RLF: variants seen among roughly 807,000 people sequenced by gnomAD.
RLF encodes RLF zinc finger, also known as zinc finger protein Rlf.
In RLF, 7 loss-of-function variants were observed where a neutral mutation model predicts 162.9. The observed-to-expected ratio is 0.04, with a 90% CI of 0.02 to 0.08. The LOEUF (loss-of-function observed/expected upper bound fraction) is 0.08, where lower values mean the gene tolerates loss of function less well. RLF is among the 10% of genes least tolerant of loss of function. The pLI is 1.00. For synonymous variants in RLF, 782 were observed against 791.5 expected, an observed-to-expected ratio of 0.99 and a Z score of 0.20; for missense variants, 1,664 against 2,244.7, an observed-to-expected ratio of 0.74 and a Z score of 5.23.
rs1041847666 is a variant in RLF at position 40,203,584 on chromosome 1, TA to T, written c.810+982del. On this transcript the variant is annotated intron_variant, in intron 5 of 7. Transcript: ENST00000372771. ...ATTTTATGTATCAGATTGCATCCTT[TA>T]AAAAAAAAAAACCTCAATTATTATG... Among the ~76,000 whole-genome samples, 100 of 144,236 alleles carry T rather than the reference TA, an allele frequency of 6.9e-4. 1 individual carries two copies. Among genetic ancestry groups the T allele is most frequent in the East Asian group, 1.6e-3 (8 of 4,970 alleles). The allele number at this position is 144,236 out of a possible 152,430, so 94.6% of individuals were successfully genotyped here. A position where few individuals can be genotyped will look rare whatever the true frequency, so the allele number is the denominator to read the frequency against.
At position 40,189,146 on chromosome 1, in the gene RLF, G is replaced by A; in HGVS notation, c.329G>A (p.Ser110Asn). The change falls in exon 2 of 8, where the codon AGT becomes AAT. Residue 110 changes from serine (S) to asparagine (N), a missense_variant. Physicochemically the swap from Ser to Asn is conservative, Grantham distance 46. Around this residue, in one of 15 missense-constraint regions of RLF, gnomAD observed 287 missense variants for 404.9 expected, o/e 0.71. Coordinates refer to ENST00000372771, the MANE Select transcript of RLF (RefSeq NM_012421.4). The stretch of plus-strand genomic sequence containing the variant: ...CGACTTGCCATCCAAAGCTTTGCCA[G>A]TGCACGTCCATACTTAACTACTGAA... ...VYRLAIQSFA[S>N]ARPYLTTECE... The A allele has an allele frequency of 6.2e-7, 1 of 1,613,832 alleles. No homozygotes were observed. The highest frequency in any genetic ancestry group is 8.5e-7 in the Non-Finnish European group (1 of 1,179,808).
intron 6 of RLF, among the ~76,000 whole-genome samples, chr1:40,225,483 G>T (rs1164568214): frequency 6.6e-6 from 1 of 150,792 alleles, no homozygotes; most frequent in Non-Finnish European, 1.5e-5. Flanking sequence ...GGAGGCTGAG[G>T]CAGGAGAATT....
intron 5 of RLF, among the ~76,000 whole-genome samples, chr1:40,202,845 T>C (rs546249111): frequency 1.1e-4 from 17 of 152,304 alleles, no homozygotes; most frequent in Admixed American, 7.8e-4. Context: ...TGTTTACTTA[T>C]TTGGGTGATG....
At chr1:40,225,756 A>G (rs959789870) in intron 6 of RLF, among the ~76,000 whole-genome samples, 2 of 151,608 alleles carry the variant, frequency 1.3e-5, no homozygotes, top group East Asian at 1.9e-4. Context: ...GCGTGCCTGT[A>G]GTCCCAGCTA....
chr1:40,213,285 G>A (rs1181302935), intron 5 of RLF, among the ~76,000 whole-genome samples: 2 of 152,136 alleles, frequency 1.3e-5, no homozygotes, highest in East Asian at 3.8e-4. Context: ...TTATGTGTGG[G>A]TATTTTGGTT....
intron 1 of RLF, among the ~76,000 whole-genome samples, chr1:40,187,924 A>G (rs1026277905): frequency 6.6e-6 from 1 of 152,220 alleles, no homozygotes; most frequent in Admixed American, 6.5e-5. Context: ...ATGAATTCAG[A>G]TAAGATGTAT....
intron 5 of RLF, among the ~76,000 whole-genome samples, chr1:40,216,311 C>T (rs1426549634): frequency 3.3e-5 from 5 of 152,066 alleles, no homozygotes; most frequent in South Asian, 2.1e-4. Flanking sequence ...GGTAAAACCC[C>T]GTCTCTACTA....
chr1:40,176,996 T>A (rs1348212873), intron 1 of RLF, among the ~76,000 whole-genome samples: 4 of 150,594 alleles, frequency 2.7e-5, no homozygotes, highest in Non-Finnish European at 5.9e-5. Flanking sequence ...ATTAATTAAT[T>A]TTTTTTTTTG....
In RLF at chr1:40,186,871, A is replaced by G. The variant is rs115892410; in HGVS notation, c.238-2184A>G. Among the ~76,000 whole-genome samples, 465 of 152,320 alleles carry G rather than the reference A, an allele frequency of 3.1e-3. 2 individuals carry two copies. Among genetic ancestry groups the G allele is most frequent in the African/African-American group, 0.011 (451 of 41,572 alleles). ...AGGAGTGGTAGGCCTATAAGGATTG[A>G]TGAGACATAATGTCTGACTTTAAGG... On this transcript the variant is annotated intron_variant, in intron 1 of 7. Coordinates refer to ENST00000372771, the MANE Select transcript of RLF (RefSeq NM_012421.4).
At chr1:40,185,287 C>T (rs1356106360) in intron 1 of RLF, among the ~76,000 whole-genome samples, 9 of 151,316 alleles carry the variant, frequency 5.9e-5, no homozygotes, top group Admixed American at 1.3e-4. Flanking sequence ...TGCGCCACCA[C>T]GCCCGGCTAC....
At chr1:40,173,225 C>T (rs902939970) in intron 1 of RLF, among the ~76,000 whole-genome samples, 5 of 151,580 alleles carry the variant, frequency 3.3e-5, no homozygotes, top group East Asian at 1.9e-4. Flanking sequence ...TACAGGCATG[C>T]GCCACCACGC....
chr1:40,167,002 AT>A (rs202051761), intron 1 of RLF, among the ~76,000 whole-genome samples: 1 of 152,092 alleles, frequency 6.6e-6, no homozygotes, highest in African/African-American at 2.4e-5. Context: ...TTAAAGTATA[AT>A]TTTAAAAAAA....
intron 5 of RLF, 114 bp downstream of exon 5, chr1:40,202,728 GCT>G (rs1001655370): frequency 1.1e-5 from 7 of 611,086 alleles, no homozygotes; most frequent in African/African-American, 9.9e-5. Flanking sequence ...TTTTTTTCAG[GCT>G]ACCAAAATGT....
At chr1:40,215,890 G>A (rs985612854) in intron 5 of RLF, among the ~76,000 whole-genome samples, 1 of 151,408 alleles carries the variant, frequency 6.6e-6, no homozygotes, top group African/African-American at 2.4e-5. Flanking sequence ...AGAAAAAGAA[G>A]AGCAAATTAA....
chr1:40,204,032 CTCTT>C (rs993303813), intron 5 of RLF, among the ~76,000 whole-genome samples: 1 of 147,628 alleles, frequency 6.8e-6, no homozygotes, highest in South Asian at 2.1e-4. Context: ...GAGGTCCTCT[CTCTT>C]TTTTTTTTTT....
chr1:40,203,373 G>C (rs1642745217), intron 5 of RLF, among the ~76,000 whole-genome samples: 1 of 151,698 alleles, frequency 6.6e-6, no homozygotes, highest in East Asian at 2.0e-4. Context: ...GCTTCAGCTT[G>C]TACTACTAAA....
chr1:40,222,029 C>A (rs1643007307), intron 5 of RLF, among the ~76,000 whole-genome samples: 1 of 150,214 alleles, frequency 6.7e-6, no homozygotes, highest in Non-Finnish European at 1.5e-5. Context: ...AGATATATTT[C>A]TAAAAAGGGT....
rs71646699 is a variant in RLF, at chr1:40,178,783, C to G, written c.238-10272C>G. ...AAGCAGTCCTCCCGCCTTGGCCTCC[C>G]AAAGTGCTGGGATTACAGGCATGAG... On this transcript the variant is annotated intron_variant, in intron 1 of 7. Transcript: ENST00000372771. Among the ~76,000 whole-genome samples the G allele has an allele frequency of 5.4e-3, 811 of 151,580 alleles. 8 individuals carry two copies. Among genetic ancestry groups the G allele is most frequent in the Middle Eastern group, 0.01 (3 of 294 alleles).
At chr1:40,219,602 TA>T (rs1234303769) in intron 5 of RLF, among the ~76,000 whole-genome samples, 4 of 152,190 alleles carry the variant, frequency 2.6e-5, no homozygotes, top group Non-Finnish European at 5.9e-5. Flanking sequence ...GCCCACACTA[TA>T]AACTAGTTCC....
Sources: gnomAD v4.1 joint callset for allele counts (sites outside exome capture counted in the v4.1 genomes callset) on GRCh38, gnomAD v4.1.1 for gene constraint, gnomAD v4.1.1 regional missense constraint, MANE v1.5 for transcripts, NCBI Gene and HGNC (gene_info 2026-07-23, HGNC 2026-07-21) for gene names.